XPO6: variants seen among roughly 807,000 people sequenced by gnomAD.
XPO6 encodes exportin-6.
XPO6 carries 3 observed loss-of-function variants against 130.0 expected under a neutral mutation model. That is an observed-to-expected ratio of 0.02 (90% CI 0.01 to 0.06). The LOEUF (loss-of-function observed/expected upper bound fraction) is 0.06, where lower values mean the gene tolerates loss of function less well. Among genes scored for constraint, XPO6 ranks in the 10% least tolerant of loss-of-function variants. The probability of loss-of-function intolerance (pLI) is 1.00; values close to 1 mark genes in which losing one functional copy is unlikely to be tolerated. For missense variants in XPO6, 970 were observed against 1,393.0 expected (o/e 0.70, Z 4.83); for synonymous variants, 524 against 548.9 (o/e 0.95, Z 0.63).
rs1403962694 is a variant in XPO6, at chr16:28,169,833, C to T, written c.482G>A (p.Arg161His). 1.9e-6 allele frequency: 3 copies of T among 1,614,158 alleles called. No homozygotes were observed. The highest frequency in any genetic ancestry group is 2.5e-6 in the Non-Finnish European group (3 of 1,180,002). Residue 161 changes from arginine (R) to histidine (H), a missense_variant, in exon 5 of 24, where the codon CGT becomes CAT. Arg to His is a conservative substitution (Grantham distance 29, BLOSUM62 0). Coordinates refer to ENST00000304658, the MANE Select transcript of XPO6 (RefSeq NM_015171.4). ...KTTSEELACP[R>H]EDLSVARKEE... The stretch of plus-strand genomic sequence containing the variant: ...CTTCCGAGCCACACTGAGGTCCTCA[C>T]GGGGACAAGCCAGCTCTTCTGAAGT...
Position 28,106,097 on chromosome 16 carries a change from G to A in XPO6, c.2730C>T (p.Phe910=), listed in dbSNP as rs760293858. 1 of 1,614,210 alleles carries A rather than the reference G, an allele frequency of 6.2e-7. No homozygotes were observed. Residue 910 remains phenylalanine, a synonymous_variant, in exon 20 of 24, where the codon TTC becomes TTT. Coordinates refer to ENST00000304658, the MANE Select transcript of XPO6 (RefSeq NM_015171.4). The surrounding 1 kb of genome is among the most constrained non-coding windows in gnomAD (Gnocchi z 4.2). ...VQEPGQVFKP[F]LPSIIALCME... The stretch of plus-strand genomic sequence containing the variant: ...TGCACAGGGCGATGATGCTGGGGAG[G>A]AAGGGCTTGAACACCTGGCCTGGCT...
At chr16:28,172,272 A>G (rs1470085933) in intron 4 of XPO6, among the ~76,000 whole-genome samples, 6 of 152,216 alleles carry the variant, frequency 3.9e-5, no homozygotes, top group Non-Finnish European at 2.9e-5. Context: ...CTTCACATCT[A>G]TAATTTAAGC....
chr16:28,203,463 C>CT, intron 1 of XPO6, among the ~76,000 whole-genome samples: 1 of 152,128 alleles, frequency 6.6e-6, no homozygotes, highest in East Asian at 1.9e-4. Context: ...AATGCAACTA[C>CT]TTAAGATCTT....
intron 6 of XPO6, among the ~76,000 whole-genome samples, chr16:28,160,538 T>A (rs1020299254): frequency 7.0e-6 from 1 of 143,626 alleles, no homozygotes; most frequent in Admixed American, 7.3e-5. Context: ...AAACTAAAAT[T>A]TAAATGTTAT....
In XPO6 at chr16:28,177,996, T is replaced by C. The variant is rs570090282; in HGVS notation, c.95-664A>G. On this transcript the variant is annotated intron_variant, in intron 2 of 23. Transcript: ENST00000304658. ...TGGTTAGAAACGGTTTTCCTCCTCC[T>C]GAGGCTGCTGATGGCATCAGCCAGA... 5.9e-5 allele frequency among the ~76,000 whole-genome samples: 9 copies of C among 152,288 alleles called. No homozygotes were observed. The South Asian group carries it at 1.7e-3, about 28-fold the overall frequency.
chr16:28,120,426 T>C (rs2141263548), intron 14 of XPO6, among the ~76,000 whole-genome samples: 1 of 152,334 alleles, frequency 6.6e-6, no homozygotes, highest in Admixed American at 6.5e-5. Flanking sequence ...AGTTATTTTG[T>C]ATTTTACATT....
At chr16:28,114,969 C>G (rs1215604356) in intron 15 of XPO6, among the ~76,000 whole-genome samples, 1 of 152,210 alleles carries the variant, frequency 6.6e-6, no homozygotes, top group Non-Finnish European at 1.5e-5. Flanking sequence ...AAGCAAGTCC[C>G]CATCTGTTCA....
chr16:28,151,709 G>C (rs1414851655), intron 8 of XPO6, among the ~76,000 whole-genome samples: 1 of 152,126 alleles, frequency 6.6e-6, no homozygotes. Flanking sequence ...CTGTATGTGT[G>C]TCATACTTCA....
chr16:28,175,763 G>C, intron 4 of XPO6, 135 bp downstream of exon 4: 1 of 699,738 alleles, frequency 1.4e-6, no homozygotes, highest in Non-Finnish European at 2.4e-6. Context: ...AAGTGAATGC[G>C]ATAATCAGTC....
Position 28,151,914 on chromosome 16 carries a change from T to C in XPO6, c.1224+745A>G, listed in dbSNP as rs141869932. On this transcript the variant is annotated intron_variant, in intron 8 of 23. Coordinates refer to ENST00000304658, the MANE Select transcript of XPO6 (RefSeq NM_015171.4). Reference sequence around the variant, plus strand: ...AACACACACCAACAGGCACGGGGGATAGGATGTGATAGAAATATCTAAAAT... The same window carrying C: ...AACACACACCAACAGGCACGGGGGACAGGATGTGATAGAAATATCTAAAAT... 6.3e-4 allele frequency among the ~76,000 whole-genome samples: 96 copies of C among 152,242 alleles called. No individual in the cohort carries two copies. In the East Asian group the frequency reaches 8.5e-3, roughly 13 times the overall value.
At position 28,098,736 on chromosome 16, in the gene XPO6, T is replaced by C. The variant is rs1039225658; in HGVS notation, c.3277-97A>G. 7.2e-6 allele frequency: 6 copies of C among 828,648 alleles called. No individual in the cohort carries two copies. The African/African-American group carries it at 8.6e-5, about 12-fold the overall frequency. 51.3% of individuals were successfully genotyped at this position (828,648 alleles called of 1,614,324 possible). Reference sequence around the variant, plus strand: ...TCCATCCCAGAGTGTGCACTGAAGATAGGGGAGCACTTTCTAAAACTCAAA... The same window carrying C: ...TCCATCCCAGAGTGTGCACTGAAGACAGGGGAGCACTTTCTAAAACTCAAA... On this transcript the variant is annotated intron_variant, in intron 23 of 23. Coordinates refer to ENST00000304658, the MANE Select transcript of XPO6 (RefSeq NM_015171.4).
At chr16:28,113,240 C>T (rs2086973975) in intron 15 of XPO6, among the ~76,000 whole-genome samples, 190 bp from the exon 16 acceptor site, 1 of 152,182 alleles carries the variant, frequency 6.6e-6, no homozygotes, top group Non-Finnish European at 1.5e-5. Context: ...GTCCACAGCT[C>T]CTGCCGCAGC....
Position 28,135,276 on chromosome 16 carries a change from G to A in XPO6, c.1383C>T (p.Ile461=), listed in dbSNP as rs760666710. 5.0e-6 allele frequency: 8 copies of A among 1,614,056 alleles called. No homozygotes were observed. In the Admixed American group the frequency reaches 1.3e-4, roughly 27 times the overall value. Residue 461 remains isoleucine (I), a synonymous_variant, in exon 10 of 24, where the codon ATC becomes ATT. Coordinates refer to ENST00000304658, the MANE Select transcript of XPO6 (RefSeq NM_015171.4). The part of the protein sequence containing the change: ...VLLLTEVLNR[I]QFRYNQAQLE... ...GCTGGGCTTGGTTGTATCTGAACTG[G>A]ATTCGATTCAACACCTCTGTGAGCA...
At chr16:28,136,779 A>G (rs1202455771) in intron 9 of XPO6, among the ~76,000 whole-genome samples, 6 of 152,248 alleles carry the variant, frequency 3.9e-5, no homozygotes, top group Non-Finnish European at 8.8e-5. Context: ...AGAACAAATC[A>G]TGTTGCCTAA....
At chr16:28,120,660 A>G (rs892650494) in intron 14 of XPO6, among the ~76,000 whole-genome samples, 1 of 152,200 alleles carries the variant, frequency 6.6e-6, no homozygotes, top group Non-Finnish European at 1.5e-5. Context: ...ATGCTTTACA[A>G]CTTTCTCTAA....
At chr16:28,104,170 G>C (rs898932301) in intron 21 of XPO6, among the ~76,000 whole-genome samples, 1 of 152,162 alleles carries the variant, frequency 6.6e-6, no homozygotes, top group Non-Finnish European at 1.5e-5. Context: ...GCAGGTCTGG[G>C]GCCCTCCTGC....
At chr16:28,127,149 G>A (rs1177118916) in intron 12 of XPO6, among the ~76,000 whole-genome samples, 4 of 152,066 alleles carry the variant, frequency 2.6e-5, no homozygotes, top group Admixed American at 6.5e-5. Flanking sequence ...TCATGGCCTC[G>A]CCACCTTCTA....
At chr16:28,099,777 G>T (rs1346264620) in intron 23 of XPO6, among the ~76,000 whole-genome samples, 1 of 152,228 alleles carries the variant, frequency 6.6e-6, no homozygotes, top group Non-Finnish European at 1.5e-5. Context: ...TGGTGCCCCA[G>T]TTCCTGGCCC....
chr16:28,176,664 ATT>A (rs34096451), intron 3 of XPO6, among the ~76,000 whole-genome samples: 51 of 134,544 alleles, frequency 3.8e-4, no homozygotes, highest in Non-Finnish European at 3.1e-4. Flanking sequence ...CGCCCGGCTA[ATT>A]TTTTTTTTTT....
Sources: allele counts gnomAD v4.1 joint callset (sites outside exome capture counted in the v4.1 genomes callset), GRCh38; gene constraint gnomAD v4.1.1; non-coding constraint Gnocchi (gnomAD v3.1); transcripts MANE v1.5; gene names NCBI Gene and HGNC (gene_info 2026-07-23, HGNC 2026-07-21).